The following FKTN variants were observed in gnomAD, a reference collection of about 807,000 sequenced individuals.
FKTN encodes ribitol-5-phosphate transferase FKTN.
Under a neutral mutation model 58.6 loss-of-function variants are expected in FKTN, and 47 were observed. The observed-to-expected ratio is 0.80, with a 90% CI of 0.63 to 1.02. FKTN has a LOEUF of 1.02. Among genes scored for constraint, FKTN ranks in the 50% least tolerant of loss-of-function variants. The pLI, the probability that FKTN is intolerant of heterozygous loss-of-function variation, is 0.00. For synonymous variants in FKTN, 178 were observed against 191.9 expected (o/e 0.93, Z 0.60); for missense variants, 516 against 537.3 (o/e 0.96, Z 0.39).
At chr9:105,588,645 A>G (rs1844329814) in intron 3 of FKTN, among the ~76,000 whole-genome samples, 1 of 152,244 alleles carries the variant, frequency 6.6e-6, no homozygotes, top group South Asian at 2.1e-4. Flanking sequence ...GTTCTCTAGT[A>G]TCTAGCCTTT....
At chr9:105,569,794 C>T (rs916576505) in intron 1 of FKTN, among the ~76,000 whole-genome samples, 4 of 152,004 alleles carry the variant, frequency 2.6e-5, no homozygotes, top group Admixed American at 6.6e-5. Flanking sequence ...CTCGTTACAT[C>T]TTTTTTTTCC....
At chr9:105,601,517 TA>T (rs770207170) in intron 5 of FKTN, among the ~76,000 whole-genome samples, 169 bp downstream of exon 5, 43 of 152,120 alleles carry the variant, frequency 2.8e-4, no homozygotes, top group African/African-American at 4.6e-4. Context: ...CTAAGGCAAA[TA>T]GGGGATTTCT....
intron 4 of FKTN, among the ~76,000 whole-genome samples, chr9:105,600,174 C>A (rs904673760): frequency 1.3e-5 from 2 of 152,088 alleles, no homozygotes; most frequent in South Asian, 4.1e-4. Context: ...TTATTGTATT[C>A]TTGGCATTTG....
Position 105,638,619 on chromosome 9 carries a change from G to A in FKTN, c.*3355G>A. 1 of 985,092 alleles carries A rather than the reference G, an allele frequency of 1.0e-6. No homozygotes were observed. Among genetic ancestry groups the A allele is most frequent in the Non-Finnish European group, 1.2e-6 (1 of 829,742 alleles). 61.0% of individuals were successfully genotyped at this position (985,092 alleles called of 1,614,324 possible). A position where few individuals can be genotyped will look rare whatever the true frequency, so the allele number is the denominator to read the frequency against. ...TTTCCTTCCTAAGGGACCTTTCCCT[G>A]GTAGTAGTGGTCTCATTCACAAAAA... On this transcript the variant is annotated 3_prime_UTR_variant, in exon 11 of 11. Transcript: ENST00000357998.
Position 105,616,861 on chromosome 9 carries a change from C to G in FKTN, c.911-1098C>G, listed in dbSNP as rs1228344162. 2.7e-5 allele frequency among the ~76,000 whole-genome samples: 4 copies of G among 147,596 alleles called. No individual in the cohort carries two copies. In the East Asian group the frequency reaches 7.9e-4, roughly 29 times the overall value. On this transcript the variant is annotated intron_variant, in intron 8 of 10. Coordinates refer to ENST00000357998, the MANE Select transcript of FKTN (RefSeq NM_001079802.2). ...TTACATGGTTCTTCCTGCCAAGGAG[C>G]TTACTACTAGAATAAGCCAAAAAAA...
At chr9:105,615,697 T>C (rs112299748) in intron 8 of FKTN, among the ~76,000 whole-genome samples, 1 of 152,190 alleles carries the variant, frequency 6.6e-6, no homozygotes, top group Admixed American at 6.5e-5. Flanking sequence ...CCCTTATCCA[T>C]GGACAATACA....
intron 4 of FKTN, chr9:105,598,290 A>G (rs1426442204): frequency 3.1e-6 from 1 of 322,102 alleles, no homozygotes; most frequent in Non-Finnish European, 6.4e-6. Flanking sequence ...AAGTACTAAC[A>G]TACTTCTAAA....
intron 1 of FKTN, among the ~76,000 whole-genome samples, chr9:105,562,149 C>T (rs143249757): frequency 6.6e-4 from 101 of 152,350 alleles, no homozygotes; most frequent in African/African-American, 2.2e-3. Context: ...GCTGCACAAA[C>T]GAAACCAGTT....
chr9:105,598,525 T>C (rs995590335), intron 4 of FKTN: 1 of 153,272 alleles, frequency 6.5e-6, no homozygotes, highest in African/African-American at 2.4e-5. Flanking sequence ...TGGGCTATTA[T>C]GGTCTCAGCA....
intron 3 of FKTN, among the ~76,000 whole-genome samples, chr9:105,586,269 C>T (rs956866743): frequency 1.2e-4 from 18 of 152,086 alleles, no homozygotes; most frequent in South Asian, 6.2e-4. Flanking sequence ...ATTTCATAGA[C>T]GGGTAGAATT....
At chr9:105,615,176 G>A in intron 7 of FKTN, 102 bp from the exon 8 acceptor site, 2 of 1,291,406 alleles carry the variant, frequency 1.5e-6, no homozygotes, top group Non-Finnish European at 2.2e-6. Flanking sequence ...GAGCCACTGT[G>A]CCCAGCCTGG....
At position 105,639,579 on chromosome 9, in the gene FKTN, A is replaced by G; in HGVS notation, c.*4315A>G. On this transcript the variant is annotated 3_prime_UTR_variant, in exon 11 of 11. Transcript: ENST00000357998. ...TCTTTTCTAATCTTCAAATGGAATT[A>G]TAGAAACCATGGGTCAGAACATATT... The G allele has an allele frequency of 2.0e-6, 2 of 981,652 alleles. No individual in the cohort carries two copies. Among genetic ancestry groups the G allele is most frequent in the Non-Finnish European group, 2.4e-6 (2 of 826,492 alleles). The allele number at this position is 981,652 out of a possible 1,614,324, so 60.8% of individuals were successfully genotyped here.
intron 10 of FKTN, among the ~76,000 whole-genome samples, chr9:105,631,081 T>A (rs1215267549): frequency 1.3e-5 from 2 of 152,052 alleles, no homozygotes; most frequent in Non-Finnish European, 1.5e-5. Context: ...TGCAGTGAGC[T>A]GAGGTCGCAC....
chr9:105,610,908 A>C (rs1202891040), intron 7 of FKTN, among the ~76,000 whole-genome samples: 1 of 152,066 alleles, frequency 6.6e-6, no homozygotes, highest in Non-Finnish European at 1.5e-5. Flanking sequence ...AAGTTCAAAA[A>C]CTAGAATAAT....
chr9:105,601,665 A>G (rs1009660083), intron 5 of FKTN, among the ~76,000 whole-genome samples: 3 of 152,142 alleles, frequency 2.0e-5, no homozygotes, highest in Non-Finnish European at 2.9e-5. Flanking sequence ...GTAGCTCCAC[A>G]TATCACATCC....
intron 5 of FKTN, chr9:105,603,830 C>A: frequency 3.2e-6 from 1 of 311,424 alleles, no homozygotes; most frequent in Non-Finnish European, 6.3e-6. Context: ...CATGCCACCA[C>A]ACCTTGGCAA....
intron 9 of FKTN, among the ~76,000 whole-genome samples, chr9:105,619,142 T>A (rs1316645903): frequency 1.3e-5 from 2 of 151,468 alleles, no homozygotes; most frequent in African/African-American, 4.9e-5. Context: ...AAAATATAAA[T>A]AAAATATTTT....
chr9:105,639,764 T>C lies in FKTN; in HGVS notation c.*4500T>C. On this transcript the variant is annotated 3_prime_UTR_variant, in exon 11 of 11. Transcript: ENST00000357998. ...TGCCTCCTTCTCTCAATAGAACTTG[T>C]ATTTTCATTTTCTTGGTTAAGCAGT... 1 of 1,074,504 alleles carries C rather than the reference T, an allele frequency of 9.3e-7. No homozygotes were observed. The highest frequency in any genetic ancestry group is 1.1e-6 in the Non-Finnish European group (1 of 886,286). The allele number at this position is 1,074,504 out of a possible 1,614,324, so 66.6% of individuals were successfully genotyped here.
At chr9:105,589,876 CA>C (rs1844555573) in intron 3 of FKTN, among the ~76,000 whole-genome samples, 1 of 152,090 alleles carries the variant, frequency 6.6e-6, no homozygotes, top group South Asian at 2.1e-4. Context: ...GTTTTGAGAA[CA>C]GCATAGAGAT....
Sources: allele counts gnomAD v4.1 joint callset (sites outside exome capture counted in the v4.1 genomes callset), GRCh38; gene constraint gnomAD v4.1.1; transcripts MANE v1.5; gene names NCBI Gene and HGNC (gene_info 2026-07-23, HGNC 2026-07-21).